Variants in PALLD observed in about 807,000 individuals in gnomAD.
The protein encoded by PALLD is palladin.
A neutral mutation model predicts 123.5 loss-of-function variants in PALLD; 61 were observed. The observed-to-expected ratio is 0.49, with a 90% CI of 0.40 to 0.61. The LOEUF (loss-of-function observed/expected upper bound fraction) is 0.61. PALLD is among the 20% of genes least tolerant of loss of function. PALLD has a pLI of 0.00. For missense variants in PALLD, 1,273 were observed against 1,377.0 expected, an observed-to-expected ratio of 0.92 and a Z score of 1.20; for synonymous variants, 465 against 496.4, an observed-to-expected ratio of 0.94 and a Z score of 0.84.
intron 2 of PALLD, among the ~76,000 whole-genome samples, chr4:168,667,446 G>A (rs1312211738): frequency 6.6e-6 from 1 of 152,164 alleles, no homozygotes; most frequent in African/African-American, 2.4e-5. Flanking sequence ...TTGGTAAAAT[G>A]TAAAGGCCAC....
intron 2 of PALLD, among the ~76,000 whole-genome samples, chr4:168,629,347 G>A (rs1775596568): frequency 6.6e-6 from 1 of 152,090 alleles, no homozygotes; most frequent in Non-Finnish European, 1.5e-5. Flanking sequence ...TAAAGAAAAA[G>A]TGTAAGAATG....
chr4:168,810,368 A>G (rs1740892017), intron 10 of PALLD, among the ~76,000 whole-genome samples: 1 of 152,194 alleles, frequency 6.6e-6, no homozygotes, highest in Non-Finnish European at 1.5e-5. Context: ...TGAAAATTCA[A>G]GATAGGCTGA....
chr4:168,547,620 G>A (rs1340979204), intron 2 of PALLD, among the ~76,000 whole-genome samples: 3 of 148,854 alleles, frequency 2.0e-5, no homozygotes, highest in Non-Finnish European at 4.4e-5. Flanking sequence ...TGTAGACTGA[G>A]CTACTCAGGA....
intron 10 of PALLD, among the ~76,000 whole-genome samples, chr4:168,857,625 C>T (rs1273782605): frequency 6.6e-6 from 1 of 152,198 alleles, no homozygotes; most frequent in African/African-American, 2.4e-5. Context: ...TGTTAATATG[C>T]TGACGGCTGA....
intron 10 of PALLD, among the ~76,000 whole-genome samples, chr4:168,725,136 G>A (rs2150281132): frequency 6.6e-6 from 1 of 152,300 alleles, no homozygotes; most frequent in South Asian, 2.1e-4. Context: ...ACAATTGAAT[G>A]ACTAACAGTT....
chr4:168,736,201 A>G (rs1450854035), intron 10 of PALLD, among the ~76,000 whole-genome samples: 1 of 152,232 alleles, frequency 6.6e-6, no homozygotes. Flanking sequence ...GTGAAAACAA[A>G]GTGTTTGCAC....
intron 2 of PALLD, among the ~76,000 whole-genome samples, chr4:168,659,862 T>C (rs1428698528): frequency 6.6e-6 from 1 of 152,230 alleles, no homozygotes; most frequent in African/African-American, 2.4e-5. Context: ...ACTCATAAAA[T>C]CTATATTTCC....
intron 2 of PALLD, among the ~76,000 whole-genome samples, chr4:168,615,207 C>T (rs1352437945): frequency 6.7e-6 from 1 of 149,964 alleles, no homozygotes; most frequent in African/African-American, 2.5e-5. Context: ...AAAATTCATA[C>T]AAAAGGTACT....
Position 168,604,250 on chromosome 4 carries a change from T to G in PALLD, c.909-63940T>G, listed in dbSNP as rs186907385. On this transcript the variant is annotated intron_variant, in intron 2 of 21. Coordinates refer to ENST00000505667, the MANE Select transcript of PALLD (RefSeq NM_001166108.2). ...CTTGAAATTCATTACAAGCCAAATT[T>G]TCCTCTGGATCAAGGACAGCTATAG... 1.3e-3 allele frequency among the ~76,000 whole-genome samples: 195 copies of G among 152,344 alleles called. 3 individuals are homozygous for G. Among genetic ancestry groups the G allele is most frequent in the African/African-American group, 3.9e-3 (162 of 41,588 alleles).
intron 10 of PALLD, among the ~76,000 whole-genome samples, chr4:168,874,935 AAAG>A (rs1269677265): frequency 3.9e-5 from 6 of 152,254 alleles, no homozygotes; most frequent in Admixed American, 6.5e-5. Context: ...AGCGGGGAAA[AAAG>A]AAGCTGGGAG....
Position 168,923,450 on chromosome 4 carries a change from TA to T in PALLD, c.3059-802del, listed in dbSNP as rs558925526. 4.8e-3 allele frequency among the ~76,000 whole-genome samples: 734 copies of T among 152,312 alleles called. 4 individuals are homozygous for T. Among genetic ancestry groups the T allele is most frequent in the Middle Eastern group, 0.01 (3 of 294 alleles). On this transcript the variant is annotated intron_variant, in intron 18 of 21. Coordinates refer to ENST00000505667, the MANE Select transcript of PALLD (RefSeq NM_001166108.2). ...TGTTGGTAGTTCAAAAGAAAATAAG[TA>T]AACCTTATTCATTCTCTGAAGTACT...
chr4:168,787,178 C>T (rs1023223033), intron 10 of PALLD, among the ~76,000 whole-genome samples: 1 of 152,142 alleles, frequency 6.6e-6, no homozygotes, highest in African/African-American at 2.4e-5. Flanking sequence ...CTAATTCATT[C>T]GTGAACTTAT....
chr4:168,878,136 GCTC>G lies in PALLD; in HGVS notation c.1965-12779_1965-12777del, dbSNP rs1343996300. Reference sequence around the variant, plus strand: ...GGCGCTGAGCCCGAGGCCCCGTGGGGCTCCTCCTCGCCGTCGCCCCCGCCCCCG... The same window carrying G: ...GGCGCTGAGCCCGAGGCCCCGTGGGGCTCCTCGCCGTCGCCCCCGCCCCCG... On this transcript the variant is annotated intron_variant, in intron 10 of 21. Transcript: ENST00000505667. 28 of 1,486,118 alleles carry G rather than the reference GCTC, an allele frequency of 1.9e-5. No homozygotes were observed. The highest frequency in any genetic ancestry group is 2.4e-5 in the Non-Finnish European group (27 of 1,125,410). 92.1% of individuals were successfully genotyped at this position (1,486,118 alleles called of 1,614,324 possible). A position where few individuals can be genotyped will look rare whatever the true frequency, so the allele number is the denominator to read the frequency against.
At chr4:168,755,067 C>T (rs1731607203) in intron 10 of PALLD, among the ~76,000 whole-genome samples, 1 of 152,026 alleles carries the variant, frequency 6.6e-6, no homozygotes, top group African/African-American at 2.4e-5. Context: ...CCCGTCTCTA[C>T]TAAAAATACA....
At chr4:168,722,643 G>T (rs1786135155) in intron 10 of PALLD, among the ~76,000 whole-genome samples, 1 of 152,208 alleles carries the variant, frequency 6.6e-6, no homozygotes, top group African/African-American at 2.4e-5. Flanking sequence ...ATATTTCCTG[G>T]CAATCAAGAG....
chr4:168,915,217 T>C (rs549087529), intron 16 of PALLD, among the ~76,000 whole-genome samples: 4 of 152,358 alleles, frequency 2.6e-5, no homozygotes, highest in South Asian at 2.1e-4. Context: ...TTTAAACTTA[T>C]CTTCTAGTCA....
intron 10 of PALLD, among the ~76,000 whole-genome samples, chr4:168,820,830 G>A (rs7440345): frequency 0.4 from 60,222 of 151,892 alleles, 12,483 homozygotes; most frequent in Non-Finnish European, 0.47. Context: ...TAGTTACACA[G>A]ATAACTCCAA....
At chr4:168,680,498 A>C (rs894718731) in intron 3 of PALLD, among the ~76,000 whole-genome samples, 20 of 148,526 alleles carry the variant, frequency 1.3e-4, no homozygotes, top group South Asian at 4.2e-4. Flanking sequence ...AAAAAAAAAA[A>C]AAAAAAAAAA....
intron 2 of PALLD, among the ~76,000 whole-genome samples, chr4:168,628,441 A>G (rs1775509935): frequency 6.6e-6 from 1 of 152,170 alleles, no homozygotes; most frequent in South Asian, 2.1e-4. Context: ...CTCTGACTTC[A>G]TATGACATTC....
Sources: gnomAD v4.1 joint callset for allele counts (sites outside exome capture counted in the v4.1 genomes callset) on GRCh38, gnomAD v4.1.1 for gene constraint, MANE v1.5 for transcripts, NCBI Gene and HGNC (gene_info 2026-07-23, HGNC 2026-07-21) for gene names.